SUPT20H: variants seen among roughly 807,000 people sequenced by gnomAD.
The protein encoded by SUPT20H is transcription factor SPT20 homolog.
SUPT20H carries 82 observed loss-of-function variants against 122.8 expected under a neutral mutation model. That is an observed-to-expected ratio of 0.67 (90% CI 0.56 to 0.80). The LOEUF (loss-of-function observed/expected upper bound fraction) is 0.80, where lower values mean the gene tolerates loss of function less well. SUPT20H is among the 30% of genes least tolerant of loss of function. The pLI, the probability that SUPT20H is intolerant of heterozygous loss-of-function variation, is 0.00. For synonymous variants in SUPT20H, 291 were observed against 313.0 expected, an observed-to-expected ratio of 0.93 and a Z score of 0.74; for missense variants, 831 against 921.6, an observed-to-expected ratio of 0.90 and a Z score of 1.27.
chr13:37,026,812 A>C lies in SUPT20H; in HGVS notation c.1156T>G (p.Ser386Ala), dbSNP rs2062365674. The C allele has an allele frequency of 6.9e-7, 1 of 1,440,486 alleles. No homozygotes were observed. Among genetic ancestry groups the C allele is most frequent in the African/African-American group, 1.5e-5 (1 of 67,620 alleles). The allele number at this position is 1,440,486 out of a possible 1,614,324, so 89.2% of individuals were successfully genotyped here. A position where few individuals can be genotyped will look rare whatever the true frequency, so the allele number is the denominator to read the frequency against. The change falls in exon 15 of 26, where the codon TCC becomes GCC. Residue 386 changes from serine (S) to alanine (A), a missense_variant. Physicochemically the swap from Ser to Ala is moderately conservative, Grantham distance 99. Transcript: ENST00000350612. ...TACCAATTTGAATGATCATCTGTGG[A>C]CGAGCTGAAATATAAAATGTAAAAA... ...SDSQMSPSHS[S>A]TDDHSNWFII...
chr13:37,026,962 T>C (rs545594557), intron 14 of SUPT20H, 146 bp from the exon 15 acceptor site: 70 of 516,450 alleles, frequency 1.4e-4, no homozygotes, highest in Non-Finnish European at 2.0e-4. Flanking sequence ...GGTAAAAAAT[T>C]CAATTCTCTT....
At chr13:37,010,490 T>C in intron 25 of SUPT20H, 62 bp downstream of exon 25, 1 of 1,419,562 alleles carries the variant, frequency 7.0e-7, no homozygotes, top group Non-Finnish European at 9.9e-7. Flanking sequence ...GCAAGTTATT[T>C]TGAGGTACTT....
At chr13:37,043,862 A>G (rs894057978) in intron 7 of SUPT20H, among the ~76,000 whole-genome samples, 9 of 151,398 alleles carry the variant, frequency 5.9e-5, no homozygotes, top group Non-Finnish European at 8.8e-5. Context: ...AGCCTCCCAA[A>G]GTGCTGGGAT....
chr13:37,048,575 C>T lies in SUPT20H; in HGVS notation c.28G>A (p.Asp10Asn). 1 of 1,600,456 alleles carries T rather than the reference C, an allele frequency of 6.2e-7. No homozygotes were observed. The highest frequency in any genetic ancestry group is 8.5e-7 in the Non-Finnish European group (1 of 1,174,252). The change falls in exon 3 of 26, where the codon GAT becomes AAT. Residue 10 changes from aspartate (D) to asparagine (N), a missense_variant. Asp to Asn is a conservative substitution (Grantham distance 23). Coordinates refer to ENST00000350612, the MANE Select transcript of SUPT20H (RefSeq NM_001014286.3). MQQALELAL[D>N]RAEYVIESAR... is the part of the protein sequence containing the mutation. ...TAGTCACACCTCACCTCTGCACGAT[C>T]CAAAGCTAGTTCTAAAGCTTGTTGC...
At position 37,031,794 on chromosome 13, in the gene SUPT20H, C is replaced by G; in HGVS notation, c.809G>C (p.Arg270Thr). 1 of 1,608,902 alleles carries G rather than the reference C, an allele frequency of 6.2e-7. No homozygotes were observed. The highest frequency in any genetic ancestry group is 8.5e-7 in the Non-Finnish European group (1 of 1,178,302). Residue 270 changes from arginine to threonine, a missense_variant, in exon 11 of 26, where the codon AGA (arginine) becomes ACA (threonine). By Grantham distance (71) the Arg-to-Thr change is moderately conservative. Transcript: ENST00000350612. ...QLRLLDFLQK[R>T]KERKAGQHYD... ...ATGCTGACCTGCTTTTCTTTCCTTTCTTTTTTGTAAGAAATCAAGTAACCT... is the reference window on the plus strand; with the variant it reads ...ATGCTGACCTGCTTTTCTTTCCTTTGTTTTTTGTAAGAAATCAAGTAACCT...
chr13:37,045,568 C>A (rs1364067223), intron 5 of SUPT20H, among the ~76,000 whole-genome samples, 195 bp from the exon 6 acceptor site: 2 of 152,126 alleles, frequency 1.3e-5, no homozygotes, highest in African/African-American at 4.8e-5. Context: ...TTTTTATTTA[C>A]TACTATGTTT....
chr13:37,033,792 G>GT (rs1225953260), intron 9 of SUPT20H, among the ~76,000 whole-genome samples: 1 of 152,148 alleles, frequency 6.6e-6, no homozygotes, highest in Non-Finnish European at 1.5e-5. Context: ...ATTCAATGCA[G>GT]GTATACCTCA....
chr13:37,038,338 T>C (rs1156551529), intron 9 of SUPT20H: 1 of 152,224 alleles, frequency 6.6e-6, no homozygotes, highest in Non-Finnish European at 1.5e-5. Flanking sequence ...CCTCAGTTAC[T>C]TGGCTGCCTA....
chr13:37,046,367 A>T (rs1566317390), intron 5 of SUPT20H, among the ~76,000 whole-genome samples: 1 of 152,184 alleles, frequency 6.6e-6, no homozygotes, highest in Non-Finnish European at 1.5e-5. Flanking sequence ...TACCTCTTCA[A>T]CAAAACAAAT....
At chr13:37,028,644 C>G (rs575273749) in intron 13 of SUPT20H, among the ~76,000 whole-genome samples, 1 of 151,950 alleles carries the variant, frequency 6.6e-6, no homozygotes, top group South Asian at 2.1e-4. Context: ...ACACTGTTCT[C>G]AGCACTCTAC....
rs1250559925 is a variant in SUPT20H, at chr13:37,022,470, CAT to C, written c.1592-392_1592-391del. The C allele has an allele frequency of 7.8e-7, 1 of 1,286,574 alleles. No homozygotes were observed. The highest frequency in any genetic ancestry group is 1.5e-5 in the African/African-American group (1 of 65,506). 79.7% of individuals were successfully genotyped at this position (1,286,574 alleles called of 1,614,324 possible). A position where few individuals can be genotyped will look rare whatever the true frequency, so the allele number is the denominator to read the frequency against. On this transcript the variant is annotated intron_variant, in intron 19 of 25. Coordinates refer to ENST00000350612, the MANE Select transcript of SUPT20H (RefSeq NM_001014286.3). This position sits in a 1 kb window ranked among gnomAD's most constrained non-coding sequence, Gnocchi z 4.5. ...CAAGTGTTAATTTCTACACATGATA[CAT>C]GAGTGTTGCTACACTCAATTACAAT...
At chr13:37,039,940 C>T (rs2065166289) in intron 9 of SUPT20H, 1 of 152,148 alleles carries the variant, frequency 6.6e-6, no homozygotes, top group Non-Finnish European at 1.5e-5. Context: ...TTTCTGAAGT[C>T]CCCTCATATA....
chr13:37,011,405 A>C (rs554353225), intron 24 of SUPT20H, among the ~76,000 whole-genome samples: 1 of 152,222 alleles, frequency 6.6e-6, no homozygotes, highest in African/African-American at 2.4e-5. Flanking sequence ...TTGGAACTTT[A>C]TATGTAAGGA....
At chr13:37,041,625 T>A (rs144800031) in intron 7 of SUPT20H, among the ~76,000 whole-genome samples, 1 of 152,192 alleles carries the variant, frequency 6.6e-6, no homozygotes, top group African/African-American at 2.4e-5. Flanking sequence ...TCACTCATAG[T>A]ATGTTTTTCA....
chr13:37,011,268 C>A (rs998491793), intron 24 of SUPT20H, among the ~76,000 whole-genome samples: 17 of 152,176 alleles, frequency 1.1e-4, no homozygotes, highest in African/African-American at 3.9e-4. Context: ...AGAACATTCT[C>A]ATGATTTTTT....
At chr13:37,023,923 G>T in intron 19 of SUPT20H, 112 bp downstream of exon 19, 2 of 1,061,564 alleles carry the variant, frequency 1.9e-6, no homozygotes, top group African/African-American at 1.6e-5. Flanking sequence ...ATACATTTTG[G>T]GTACACAGTA....
At chr13:37,021,940 C>T in intron 20 of SUPT20H, 71 bp downstream of exon 20, 1 of 1,464,412 alleles carries the variant, frequency 6.8e-7, no homozygotes, top group Non-Finnish European at 9.2e-7. Flanking sequence ...TAATTTCACA[C>T]ATTAAGAATT....
In SUPT20H at chr13:37,029,717, G is replaced by T. The variant is rs529833646; in HGVS notation, c.993+48C>A. ...TTATGTTTAATAAATTCAGAGGCCA[G>T]ATTAGAAATGGCATAATTAGAAACA... On this transcript the variant is annotated intron_variant, in intron 13 of 25. Coordinates refer to ENST00000350612, the MANE Select transcript of SUPT20H (RefSeq NM_001014286.3). 2.6e-6 allele frequency: 4 copies of T among 1,524,410 alleles called. No homozygotes were observed. In the African/African-American group the frequency reaches 4.1e-5, roughly 16 times the overall value. 94.4% of individuals were successfully genotyped at this position (1,524,410 alleles called of 1,614,324 possible). A position where few individuals can be genotyped will look rare whatever the true frequency, so the allele number is the denominator to read the frequency against.
chr13:37,039,781 G>C (rs1005996265), intron 9 of SUPT20H: 1 of 152,052 alleles, frequency 6.6e-6, no homozygotes, highest in East Asian at 1.9e-4. Flanking sequence ...CATTGATATG[G>C]TTCAGTTCCC....
Sources: gnomAD v4.1 joint callset for allele counts (sites outside exome capture counted in the v4.1 genomes callset) on GRCh38, gnomAD v4.1.1 for gene constraint, Gnocchi (gnomAD v3.1) non-coding constraint, MANE v1.5 for transcripts, NCBI Gene and HGNC (gene_info 2026-07-23, HGNC 2026-07-21) for gene names.